The following NAALADL2 variants were observed in gnomAD, a reference collection of about 807,000 sequenced individuals.
NAALADL2 encodes the protein N-acetylated alpha-linked acidic dipeptidase like 2, also known as inactive N-acetylated-alpha-linked acidic dipeptidase-like protein 2.
NAALADL2 carries 76 observed loss-of-function variants against 87.2 expected under a neutral mutation model. The ratio of observed to expected loss-of-function variants is 0.87; its 90% confidence interval spans 0.72 to 1.05. The LOEUF is 1.05. NAALADL2 is among the 50% of genes least tolerant of loss of function. The pLI is 0.00. For synonymous variants in NAALADL2, 354 were observed against 331.0 expected, an observed-to-expected ratio of 1.07 and a Z score of -0.75; for missense variants, 1,089 against 945.8, an observed-to-expected ratio of 1.15 and a Z score of -1.99.
chr3:175,692,389 G>A (rs1889261), intron 11 of NAALADL2, among the ~76,000 whole-genome samples: 34,425 of 151,974 alleles, frequency 0.23, 7,763 homozygotes, highest in African/African-American at 0.58. Flanking sequence ...ATGGGATTCT[G>A]TAGTGGACAT....
chr3:174,941,480 G>T (rs1401726942), intron 1 of NAALADL2, among the ~76,000 whole-genome samples: 1 of 152,014 alleles, frequency 6.6e-6, no homozygotes, highest in African/African-American at 2.4e-5. Flanking sequence ...CTGTTGTTTT[G>T]GGGTGGAGAG....
At chr3:175,196,940 T>C (rs1335312563) in intron 2 of NAALADL2, among the ~76,000 whole-genome samples, 6 of 151,956 alleles carry the variant, frequency 3.9e-5, no homozygotes, top group Admixed American at 6.6e-5. Flanking sequence ...TAGTTGCACT[T>C]TTTATGGGTC....
chr3:175,590,397 A>G lies in NAALADL2; in HGVS notation c.1800+14210A>G, dbSNP rs1721258886. Among the ~76,000 whole-genome samples, 2 of 150,076 alleles carry G rather than the reference A, an allele frequency of 1.3e-5. 1 individual carries two copies. Among genetic ancestry groups the G allele is most frequent in the South Asian group, 4.2e-4 (2 of 4,794 alleles). ...AGTGTCTGTATCTGGAAATAAATAT[A>G]GTAACATAGCAAGATATTTAAATCT... On this transcript the variant is annotated intron_variant, in intron 10 of 13. Transcript: ENST00000454872.
At chr3:175,325,378 T>C (rs1289115165) in intron 5 of NAALADL2, among the ~76,000 whole-genome samples, 1 of 152,252 alleles carries the variant, frequency 6.6e-6, no homozygotes. Flanking sequence ...GTAAATTTTC[T>C]CTGGGATCTC....
chr3:174,595,992 C>T (rs1452774548), intron 2 of NAALADL2, among the ~76,000 whole-genome samples: 2 of 151,864 alleles, frequency 1.3e-5, no homozygotes, highest in Non-Finnish European at 2.9e-5. Flanking sequence ...AGCCTGGGCA[C>T]AAGAGCCAAA....
At chr3:175,633,309 C>A (rs943789445) in intron 11 of NAALADL2, among the ~76,000 whole-genome samples, 1 of 152,004 alleles carries the variant, frequency 6.6e-6, no homozygotes, top group African/African-American at 2.4e-5. Flanking sequence ...TTAACAGATG[C>A]AATATCCTGT....
At chr3:174,842,163 T>A (rs1256897592) in intron 3 of NAALADL2, among the ~76,000 whole-genome samples, 1 of 151,814 alleles carries the variant, frequency 6.6e-6, no homozygotes. Context: ...GTGATTCTCC[T>A]CCCTCAGCTT....
chr3:175,324,396 T>A, intron 5 of NAALADL2, 71 bp downstream of exon 5: 1 of 1,218,644 alleles, frequency 8.2e-7, no homozygotes, highest in Non-Finnish European at 1.1e-6. Context: ...AAATAAATGC[T>A]ATCTATCAGG....
Position 175,581,297 on chromosome 3 carries a change from C to T in NAALADL2, c.1800+5110C>T, listed in dbSNP as rs1232742556. Reference sequence around the variant, plus strand: ...TCTCTACTAAAAATACAAAAATTAGCTGGGCGTGGTGGCGAGTGCCTGTAA... The same window carrying T: ...TCTCTACTAAAAATACAAAAATTAGTTGGGCGTGGTGGCGAGTGCCTGTAA... On this transcript the variant is annotated intron_variant, in intron 10 of 13. Transcript: ENST00000454872. 4 of 182,924 alleles carry T rather than the reference C, an allele frequency of 2.2e-5. No individual in the cohort carries two copies. In the South Asian group the frequency reaches 2.5e-4, roughly 12 times the overall value. 11.3% of individuals were successfully genotyped at this position (182,924 alleles called of 1,614,324 possible).
At chr3:175,314,660 T>A (rs13095917) in intron 4 of NAALADL2, among the ~76,000 whole-genome samples, 1 of 70,578 alleles carries the variant, frequency 1.4e-5, no homozygotes, top group Non-Finnish European at 2.8e-5. Flanking sequence ...GTATATATAG[T>A]TCTAACTATA....
intron 10 of NAALADL2, among the ~76,000 whole-genome samples, chr3:175,579,989 T>A (rs1719523817): frequency 6.6e-6 from 1 of 152,170 alleles, no homozygotes. Context: ...GTTTGAAACA[T>A]TCTATTTTAA....
intron 1 of NAALADL2, chr3:175,059,989 A>T (rs1713085350): frequency 4.6e-6 from 2 of 436,366 alleles, no homozygotes; most frequent in Admixed American, 5.4e-5. Flanking sequence ...ATCATTGAGC[A>T]CATGGAGGCC....
At chr3:174,887,789 C>T (rs1462363038) in intron 1 of NAALADL2, among the ~76,000 whole-genome samples, 2 of 150,228 alleles carry the variant, frequency 1.3e-5, no homozygotes, top group African/African-American at 4.9e-5. Flanking sequence ...GAGCGATACC[C>T]TGTCTCAAAA....
chr3:175,082,409 AT>A (rs1718050641), intron 1 of NAALADL2, among the ~76,000 whole-genome samples: 1 of 152,210 alleles, frequency 6.6e-6, no homozygotes, highest in South Asian at 2.1e-4. Flanking sequence ...CTATCATAAA[AT>A]GGGATATTTT....
chr3:174,617,140 A>G (rs1261723267), intron 2 of NAALADL2, among the ~76,000 whole-genome samples: 1 of 151,808 alleles, frequency 6.6e-6, no homozygotes, highest in Non-Finnish European at 1.5e-5. Context: ...TACTAAATCT[A>G]ATGCAAAAGG....
intron 2 of NAALADL2, among the ~76,000 whole-genome samples, chr3:174,651,848 T>C (rs576998196): frequency 6.6e-6 from 1 of 152,310 alleles, no homozygotes; most frequent in East Asian, 1.9e-4. Context: ...TATTGAAATA[T>C]AACACATATA....
chr3:175,767,471 A>G (rs1748869240), intron 13 of NAALADL2: 1 of 152,110 alleles, frequency 6.6e-6, no homozygotes, highest in African/African-American at 2.4e-5. Flanking sequence ...TTAGAAGGCA[A>G]TCTAGATATT....
At chr3:175,223,429 C>T (rs545153570) in intron 2 of NAALADL2, among the ~76,000 whole-genome samples, 3 of 151,948 alleles carry the variant, frequency 2.0e-5, no homozygotes, top group East Asian at 1.9e-4. Flanking sequence ...TAGTATCCTC[C>T]AGGTTCATCC....
chr3:175,291,939 T>C (rs768852770), intron 4 of NAALADL2, among the ~76,000 whole-genome samples: 2 of 152,230 alleles, frequency 1.3e-5, no homozygotes, highest in Non-Finnish European at 2.9e-5. Context: ...TTTAGCCATA[T>C]ACACAAAGCA....
Sources: gnomAD v4.1 joint callset for allele counts (sites outside exome capture counted in the v4.1 genomes callset) on GRCh38, gnomAD v4.1.1 for gene constraint, MANE v1.5 for transcripts, NCBI Gene and HGNC (gene_info 2026-07-23, HGNC 2026-07-21) for gene names.